The following GALNT13 variants were observed in gnomAD, a reference collection of about 807,000 sequenced individuals.
The protein encoded by GALNT13 is polypeptide N-acetylgalactosaminyltransferase 13, also known as UDP-GalNAc:polypeptide N-acetylgalactosaminyltransferase 13.
A neutral mutation model predicts 64.2 loss-of-function variants in GALNT13; 28 were observed. The ratio of observed to expected loss-of-function variants is 0.44; its 90% CI spans 0.32 to 0.60. The LOEUF (loss-of-function observed/expected upper bound fraction) is 0.60. Ranked by LOEUF, GALNT13 falls within the 20% of genes least tolerant of loss-of-function variation. The pLI is 0.05. For synonymous variants in GALNT13, 214 were observed against 224.6 expected (o/e 0.95, Z 0.42); for missense variants, 577 against 669.8 (o/e 0.86, Z 1.53).
chr2:153,949,905 A>T (rs913720463), intron 3 of GALNT13, among the ~76,000 whole-genome samples: 2 of 152,066 alleles, frequency 1.3e-5, no homozygotes, highest in African/African-American at 2.4e-5. Flanking sequence ...TAAAGTGGCA[A>T]TCCATGTGGA....
At chr2:154,386,568 A>C (rs1426991330) in intron 9 of GALNT13, among the ~76,000 whole-genome samples, 2 of 152,208 alleles carry the variant, frequency 1.3e-5, no homozygotes, top group Admixed American at 1.3e-4. Context: ...CTGTGGGACA[A>C]TTGGACCAGT....
At chr2:154,026,704 A>C (rs929126371) in intron 3 of GALNT13, among the ~76,000 whole-genome samples, 4 of 152,146 alleles carry the variant, frequency 2.6e-5, no homozygotes, top group Admixed American at 6.6e-5. Flanking sequence ...TTATGACCTC[A>C]TTTAACCTTA....
At chr2:154,127,146 T>TA (rs1682330658) in intron 3 of GALNT13, among the ~76,000 whole-genome samples, 1 of 152,104 alleles carries the variant, frequency 6.6e-6, no homozygotes, top group African/African-American at 2.4e-5. Flanking sequence ...AATTTAACAA[T>TA]ATAATGATAT....
chr2:154,346,317 C>G (rs1326287449), intron 9 of GALNT13, among the ~76,000 whole-genome samples: 1 of 151,960 alleles, frequency 6.6e-6, no homozygotes, highest in Non-Finnish European at 1.5e-5. Flanking sequence ...TTACTGTCAA[C>G]CATCTGTCCT....
At chr2:153,818,938 C>T in the GALNT13 span, among the ~76,000 whole-genome samples, 4 of 152,080 alleles carry the variant, frequency 2.6e-5, no homozygotes, top group Non-Finnish European at 5.9e-5. Flanking sequence ...ACCAGTCCAC[C>T]CCTCCCCATC....
chr2:154,261,691 T>C (rs1690704694), intron 8 of GALNT13, among the ~76,000 whole-genome samples: 1 of 152,150 alleles, frequency 6.6e-6, no homozygotes, highest in Non-Finnish European at 1.5e-5. Flanking sequence ...TTCTTTGCTC[T>C]CAAAGAACTG....
At chr2:154,135,939 G>A (rs1682926135) in intron 3 of GALNT13, among the ~76,000 whole-genome samples, 1 of 152,156 alleles carries the variant, frequency 6.6e-6, no homozygotes. Context: ...GGGTAAAGTG[G>A]TTTTTGTGGT....
chr2:153,179,094 A>G, the GALNT13 span, among the ~76,000 whole-genome samples: 6 of 152,106 alleles, frequency 3.9e-5, no homozygotes, highest in African/African-American at 1.4e-4. Flanking sequence ...TTGAGATCAA[A>G]TCGAAAATAT....
At chr2:153,216,465 G>A in the GALNT13 span, among the ~76,000 whole-genome samples, 2 of 151,970 alleles carry the variant, frequency 1.3e-5, no homozygotes, top group Non-Finnish European at 2.9e-5. Context: ...ATCCTCATCA[G>A]CATGTGGTGG....
chr2:153,746,924 T>C, the GALNT13 span, among the ~76,000 whole-genome samples: 1 of 152,172 alleles, frequency 6.6e-6, no homozygotes, highest in Non-Finnish European at 1.5e-5. Context: ...TTTGTTCATT[T>C]TTGTGTTTGG....
chr2:153,373,781 C>G, the GALNT13 span, among the ~76,000 whole-genome samples: 1 of 152,110 alleles, frequency 6.6e-6, no homozygotes, highest in Non-Finnish European at 1.5e-5. Flanking sequence ...ATTCTACTTT[C>G]TTTTTCTCTA....
At chr2:153,424,212 T>C in the GALNT13 span, among the ~76,000 whole-genome samples, 4 of 151,024 alleles carry the variant, frequency 2.6e-5, no homozygotes, top group Non-Finnish European at 4.5e-5. Flanking sequence ...CCTTACTTTA[T>C]ATAAAACACA....
chr2:154,022,926 T>TAA lies in GALNT13; in HGVS notation c.142+78287_142+78288insAA, dbSNP rs1697635252. Among the ~76,000 whole-genome samples the TAA allele has an allele frequency of 2.0e-5, 3 of 152,218 alleles. No individual in the cohort carries two copies. The South Asian group carries it at 6.2e-4, about 31-fold the overall frequency. ...GTTCTCATTGGTTTCAAAGAACATCTTTATTTCTGCCTTCATTTCATTATT... is the reference window on the plus strand; with the variant it reads ...GTTCTCATTGGTTTCAAAGAACATCTAATTATTTCTGCCTTCATTTCATTATT... On this transcript the variant is annotated intron_variant, in intron 3 of 12. Transcript: ENST00000392825.
chr2:154,186,280 C>T (rs1448249153), intron 4 of GALNT13, among the ~76,000 whole-genome samples: 2 of 151,926 alleles, frequency 1.3e-5, no homozygotes, highest in Admixed American at 6.6e-5. Context: ...CCATCCTTTC[C>T]AGTAACAATG....
the GALNT13 span, among the ~76,000 whole-genome samples, chr2:153,852,008 C>T: frequency 4.3e-3 from 650 of 152,146 alleles, 3 homozygotes; most frequent in African/African-American, 0.015. Flanking sequence ...ACGATGTATA[C>T]TATTAGCCTT....
intron 2 of GALNT13, among the ~76,000 whole-genome samples, chr2:153,941,696 TA>T (rs1691352756): frequency 6.6e-6 from 1 of 152,192 alleles, no homozygotes; most frequent in African/African-American, 2.4e-5. Flanking sequence ...TGAAATACAA[TA>T]TATAAGATTA....
chr2:154,001,552 C>A (rs1410068660), intron 3 of GALNT13, among the ~76,000 whole-genome samples: 1 of 151,962 alleles, frequency 6.6e-6, no homozygotes, highest in Non-Finnish European at 1.5e-5. Flanking sequence ...GAAACGCAAT[C>A]TACAGTTCAA....
At chr2:154,303,010 C>T (rs1239573800) in intron 9 of GALNT13, among the ~76,000 whole-genome samples, 2 of 152,098 alleles carry the variant, frequency 1.3e-5, no homozygotes, top group East Asian at 1.9e-4. Context: ...AAGAAATATA[C>T]TTTGGGTTCC....
the GALNT13 span, among the ~76,000 whole-genome samples, chr2:153,662,721 T>C: frequency 6.6e-6 from 1 of 152,352 alleles, no homozygotes; most frequent in South Asian, 2.1e-4. Context: ...ATTTACTTGA[T>C]ATGATTTTTT....
Sources: gnomAD v4.1 joint callset for allele counts (sites outside exome capture counted in the v4.1 genomes callset) on GRCh38, gnomAD v4.1.1 for gene constraint, MANE v1.5 for transcripts, NCBI Gene and HGNC (gene_info 2026-07-23, HGNC 2026-07-21) for gene names.